CPNE5: variants seen among roughly 807,000 people sequenced by gnomAD.
The protein encoded by CPNE5 is copine-5.
A neutral mutation model predicts 81.1 loss-of-function variants in CPNE5; 42 were observed. That is an observed-to-expected ratio of 0.52 (90% confidence interval 0.40 to 0.67). The LOEUF is 0.67. Ranked by LOEUF, CPNE5 falls within the 30% of genes least tolerant of loss-of-function variation. CPNE5 has a pLI of 0.00. For missense variants in CPNE5, 612 were observed against 815.5 expected (o/e 0.75, Z 3.04); for synonymous variants, 313 against 321.5 (o/e 0.97, Z 0.28).
chr6:36,794,448 A>T (rs1436434767), intron 7 of CPNE5, 142 bp downstream of exon 7: 1 of 729,048 alleles, frequency 1.4e-6, no homozygotes, highest in Admixed American at 2.6e-5. Context: ...GTGCCTAAGG[A>T]GGAACCCAGG....
intron 12 of CPNE5, among the ~76,000 whole-genome samples, chr6:36,759,959 C>A (rs1299604681): frequency 1.3e-5 from 2 of 151,768 alleles, no homozygotes; most frequent in African/African-American, 4.8e-5. Context: ...GAAATCCCAG[C>A]ACTTTGCAAG....
chr6:36,826,878 C>A (rs35201827), intron 1 of CPNE5, among the ~76,000 whole-genome samples: 1 of 152,072 alleles, frequency 6.6e-6, no homozygotes, highest in Admixed American at 6.5e-5. Flanking sequence ...CTCAGTTTCC[C>A]CATCTGTAAA....
Position 36,778,885 on chromosome 6 carries a change from A to T in CPNE5, c.601T>A (p.Leu201Met). 1 of 1,606,440 alleles carries T rather than the reference A, an allele frequency of 6.2e-7. No individual in the cohort carries two copies. Among genetic ancestry groups the T allele is most frequent in the Non-Finnish European group, 8.5e-7 (1 of 1,173,494 alleles). ...KDFFGKSDPF[L>M]VFYRSNEDGT... ...TCCTCGTTGCTTCTGTAGAATACCA[A>T]GAAGGGGTCAGATTTCCCAAAGAAA... Residue 201 changes from leucine (L) to methionine (M), a missense_variant, in exon 9 of 21, where the codon TTG becomes ATG. Transcript: ENST00000244751.
At chr6:36,768,481 C>A (rs1766782176) in intron 10 of CPNE5, among the ~76,000 whole-genome samples, 1 of 152,096 alleles carries the variant, frequency 6.6e-6, no homozygotes, top group South Asian at 2.1e-4. Flanking sequence ...ATCCGCCCAC[C>A]TTGGCCTCCC....
At chr6:36,779,255 G>A (rs1040714772) in intron 8 of CPNE5, among the ~76,000 whole-genome samples, 1 of 152,184 alleles carries the variant, frequency 6.6e-6, no homozygotes, top group African/African-American at 2.4e-5. Context: ...TGGAACATGG[G>A]GTTGATGATA....
At chr6:36,807,444 G>A (rs1770696723) in intron 3 of CPNE5, among the ~76,000 whole-genome samples, 1 of 152,144 alleles carries the variant, frequency 6.6e-6, no homozygotes, top group South Asian at 2.1e-4. Context: ...AGAGAGCCTG[G>A]GACATAAAAC....
At chr6:36,781,446 G>A (rs1768028510) in intron 8 of CPNE5, among the ~76,000 whole-genome samples, 1 of 152,170 alleles carries the variant, frequency 6.6e-6, no homozygotes, top group Admixed American at 6.5e-5. Context: ...GTTTTTAGAG[G>A]TTAAATCATA....
At chr6:36,781,573 AG>A (rs1768038672) in intron 8 of CPNE5, among the ~76,000 whole-genome samples, 1 of 152,130 alleles carries the variant, frequency 6.6e-6, no homozygotes, top group Non-Finnish European at 1.5e-5. Context: ...CCTCCTCAGG[AG>A]AAAGTTCTAA....
rs35409136 is a variant in CPNE5 at position 36,831,638 on chromosome 6, C to CAAAAAAA, written c.95+7638_95+7644dup. Among the ~76,000 whole-genome samples, 5 of 83,936 alleles carry CAAAAAAA rather than the reference C, an allele frequency of 6.0e-5. 1 individual carries two copies. Among genetic ancestry groups the CAAAAAAA allele is most frequent in the Admixed American group, 4.3e-4 (3 of 7,030 alleles). The allele number at this position is 83,936 out of a possible 152,430, so 55.1% of individuals were successfully genotyped here. A position where few individuals can be genotyped will look rare whatever the true frequency, so the allele number is the denominator to read the frequency against. On this transcript the variant is annotated intron_variant, in intron 1 of 20. Coordinates refer to ENST00000244751, the MANE Select transcript of CPNE5 (RefSeq NM_020939.2). ...TGGGTGACAGAGTGAGACACCATCT[C>CAAAAAAA]AAAAAAAAAAAAAAAAAAAGGCCTC...
chr6:36,754,065 G>T (rs1274786765), intron 13 of CPNE5, among the ~76,000 whole-genome samples: 3 of 150,484 alleles, frequency 2.0e-5, no homozygotes, highest in African/African-American at 7.3e-5. Flanking sequence ...CTCCTTCCAA[G>T]TGTGGCAGCT....
rs774014564 is a variant in CPNE5 at position 36,792,056 on chromosome 6, C to T, written c.505G>A (p.Ala169Thr). Reference protein sequence around the residue: ...GKKCGTIILSAEELSNCRDVA... With the variant: ...GKKCGTIILSTEELSNCRDVA... ...ACCCTACAGTTGCTGAGCTCCTCAG[C>T]GGACAGGATGATGGTGCCACATTTC... Residue 169 changes from alanine to threonine, a missense_variant, in exon 8 of 21, where the codon GCT becomes ACT. Coordinates refer to ENST00000244751, the MANE Select transcript of CPNE5 (RefSeq NM_020939.2). 2.3e-5 allele frequency: 37 copies of T among 1,613,872 alleles called. No individual in the cohort carries two copies. Among genetic ancestry groups the T allele is most frequent in the East Asian group, 4.5e-5 (2 of 44,894 alleles).
At chr6:36,744,757 G>A (rs1296236792) in intron 18 of CPNE5, among the ~76,000 whole-genome samples, 1 of 152,198 alleles carries the variant, frequency 6.6e-6, no homozygotes, top group African/African-American at 2.4e-5. Flanking sequence ...GGAGGGAGTA[G>A]ACCAGAGCGT....
chr6:36,814,689 G>A, intron 3 of CPNE5, among the ~76,000 whole-genome samples: 1 of 152,188 alleles, frequency 6.6e-6, no homozygotes, highest in South Asian at 2.1e-4. Context: ...GCTCTGGGCT[G>A]CAGAAGGGGA....
At chr6:36,806,648 C>A (rs1183094236) in intron 3 of CPNE5, among the ~76,000 whole-genome samples, 1 of 152,170 alleles carries the variant, frequency 6.6e-6, no homozygotes, top group Non-Finnish European at 1.5e-5. Flanking sequence ...CCTGCTGGGA[C>A]CCTCACTGAT....
intron 3 of CPNE5, among the ~76,000 whole-genome samples, chr6:36,810,496 G>A (rs1257497528): frequency 6.6e-6 from 1 of 152,230 alleles, no homozygotes. Context: ...AACGGAAAAA[G>A]GGAATGTGCT....
chr6:36,839,257 G>T lies in CPNE5; in HGVS notation c.95+26C>A. 1 of 1,492,480 alleles carries T rather than the reference G, an allele frequency of 6.7e-7. No homozygotes were observed. Among genetic ancestry groups the T allele is most frequent in the Non-Finnish European group, 9.0e-7 (1 of 1,105,380 alleles). The allele number at this position is 1,492,480 out of a possible 1,614,324, so 92.5% of individuals were successfully genotyped here. A position where few individuals can be genotyped will look rare whatever the true frequency, so the allele number is the denominator to read the frequency against. On this transcript the variant is annotated intron_variant, in intron 1 of 20. Transcript: ENST00000244751. This position sits in a 1 kb window ranked among gnomAD's most constrained non-coding sequence, Gnocchi z 7.3. ...GGCTCTGCGTCCAGGGCCGGGGCAA[G>T]GGGACCCGGCCAGCGGGAGGCTCAC...
chr6:36,795,443 T>C (rs1297725081), intron 6 of CPNE5, among the ~76,000 whole-genome samples: 1 of 152,138 alleles, frequency 6.6e-6, no homozygotes, highest in Non-Finnish European at 1.5e-5. Flanking sequence ...CCTCCCAAAG[T>C]GATTGGATTA....
At chr6:36,821,192 A>ATGGAAGGGCCACTAAGCCATGTG (rs1561819823) in intron 3 of CPNE5, among the ~76,000 whole-genome samples, 5 of 151,268 alleles carry the variant, frequency 3.3e-5, no homozygotes, top group Admixed American at 1.3e-4. Flanking sequence ...AGAGCATTCC[A>ATGGAAGGGCCACTAAGCCATGTG]GGAAAAAGGA....
chr6:36,811,570 T>C (rs1381988191), intron 3 of CPNE5, among the ~76,000 whole-genome samples: 6 of 152,080 alleles, frequency 3.9e-5, no homozygotes, highest in Non-Finnish European at 7.4e-5. Context: ...AACTGTAGAG[T>C]GCACCTGGAC....
Sources: gnomAD v4.1 joint callset for allele counts (sites outside exome capture counted in the v4.1 genomes callset) on GRCh38, gnomAD v4.1.1 for gene constraint, Gnocchi (gnomAD v3.1) non-coding constraint, MANE v1.5 for transcripts, NCBI Gene and HGNC (gene_info 2026-07-23, HGNC 2026-07-21) for gene names.